Variants in DIAPH1 observed in about 807,000 individuals in gnomAD.
DIAPH1 encodes the protein protein diaphanous homolog 1.
A neutral mutation model predicts 140.7 loss-of-function variants in DIAPH1; 46 were observed. The ratio of observed to expected loss-of-function variants is 0.33; its 90% CI spans 0.26 to 0.42. The LOEUF is 0.42. Ranked by LOEUF, DIAPH1 falls within the 10% of genes least tolerant of loss-of-function variation. The probability of loss-of-function intolerance (pLI) is 1.00; values close to 1 mark genes in which losing one functional copy is unlikely to be tolerated. For missense variants in DIAPH1, 1,310 were observed against 1,558.7 expected (o/e 0.84, Z 2.69); for synonymous variants, 565 against 551.6 (o/e 1.02, Z -0.34).
intron 12 of DIAPH1, among the ~76,000 whole-genome samples, chr5:141,577,234 A>G (rs2099896096): frequency 6.6e-6 from 1 of 152,094 alleles, no homozygotes; most frequent in Non-Finnish European, 1.5e-5. Flanking sequence ...CATCCTATTT[A>G]CCTACTCCCC....
chr5:141,544,029 G>A (rs1185217800), intron 18 of DIAPH1, among the ~76,000 whole-genome samples: 2 of 152,142 alleles, frequency 1.3e-5, no homozygotes, highest in African/African-American at 4.8e-5. Flanking sequence ...AGTATAAATC[G>A]GCCGGGCGCG....
chr5:141,578,567 C>T lies in DIAPH1; in HGVS notation c.992G>A (p.Arg331Gln). 4 of 1,613,944 alleles carry T rather than the reference C, an allele frequency of 2.5e-6. No individual in the cohort carries two copies. The highest frequency in any genetic ancestry group is 3.4e-6 in the Non-Finnish European group (4 of 1,180,018). Reference protein sequence around the residue: ...LITPAEELDFRVHIRSELMRL... With the variant: ...LITPAEELDFQVHIRSELMRL... ...CATCAGTTCACTTCTGATGTGAACT[C>T]GGAAGTCAAGTTCCTCCGCTGGTGT... Residue 331 changes from arginine (R) to glutamine (Q), a missense_variant, in exon 10 of 28, where the codon CGA (arginine) becomes CAA (glutamine). By Grantham distance (43) the Arg-to-Gln change is conservative. Coordinates refer to ENST00000389054, the MANE Select transcript of DIAPH1 (RefSeq NM_005219.5).
intron 20 of DIAPH1, 62 bp downstream of exon 20, chr5:141,529,541 G>C (rs2099887885): frequency 9.8e-6 from 13 of 1,321,556 alleles, no homozygotes; most frequent in Non-Finnish European, 1.4e-5. Context: ...TCTACACAGA[G>C]ATGAGGCCAG....
Position 141,578,317 on chromosome 5 carries a change from A to G in DIAPH1, c.1071T>C (p.Asp357=). 2 of 1,614,030 alleles carry G rather than the reference A, an allele frequency of 1.2e-6. No individual in the cohort carries two copies. Among genetic ancestry groups the G allele is most frequent in the Non-Finnish European group, 1.7e-6 (2 of 1,179,904 alleles). Residue 357 remains aspartate, a synonymous_variant, in exon 11 of 28, where the codon GAT becomes GAC. Transcript: ENST00000389054. ...CAAACACATTTAGTTGCACTCTCAT[A>G]TCTTCATTTTCAATCTCTCGAAGGT... ...LQDLREIENE[D]MRVQLNVFDE... is the part of the protein sequence containing the mutation.
chr5:141,572,597 C>T (rs1044939549), intron 16 of DIAPH1, among the ~76,000 whole-genome samples: 4 of 151,990 alleles, frequency 2.6e-5, no homozygotes, highest in Non-Finnish European at 4.4e-5. Context: ...GTCAGGAGTT[C>T]GAGAGCAGCC....
intron 18 of DIAPH1, chr5:141,560,832 G>A (rs543421142): frequency 4.4e-6 from 2 of 455,916 alleles, no homozygotes; most frequent in Non-Finnish European, 8.8e-6. Flanking sequence ...TAAACTCCCA[G>A]CCCCCAGCCT....
At chr5:141,592,899 G>A (rs969541809) in intron 1 of DIAPH1, among the ~76,000 whole-genome samples, 2 of 152,156 alleles carry the variant, frequency 1.3e-5, no homozygotes, top group African/African-American at 4.8e-5. Flanking sequence ...ATGTCAGACT[G>A]AACCAAAACA....
intron 18 of DIAPH1, chr5:141,558,432 T>C (rs1283418324): frequency 1.3e-5 from 2 of 152,148 alleles, no homozygotes; most frequent in Non-Finnish European, 2.9e-5. Context: ...AAACAGGAAA[T>C]GGAGGAGTGG....
chr5:141,573,781 G>T lies in DIAPH1; in HGVS notation c.2069C>A (p.Pro690Gln). The T allele has an allele frequency of 7.1e-7, 1 of 1,411,458 alleles. No homozygotes were observed. The highest frequency in any genetic ancestry group is 9.5e-7 in the Non-Finnish European group (1 of 1,057,976). The allele number at this position is 1,411,458 out of a possible 1,614,324, so 87.4% of individuals were successfully genotyped here. ...PLPGSARIPP[P>Q]PPPLPGSAGI... The stretch of plus-strand genomic sequence containing the variant: ...AGCACTCCCAGGCAAAGGAGGTGGT[G>T]GTGGGGGGATTCTAGCACTCCCAGG... Residue 690 changes from proline (P) to glutamine (Q), a missense_variant, in exon 16 of 28, where the codon CCA becomes CAA. Transcript: ENST00000389054.
In DIAPH1 at chr5:141,577,980, T is replaced by C. The variant is rs550448584; in HGVS notation, c.1163+245A>G. The C allele has an allele frequency of 2.6e-5, 15 of 584,950 alleles. No individual in the cohort carries two copies. In the East Asian group the frequency reaches 4.5e-4, roughly 17 times the overall value. 36.2% of individuals were successfully genotyped at this position (584,950 alleles called of 1,614,324 possible). On this transcript the variant is annotated intron_variant, in intron 11 of 27. Transcript: ENST00000389054. Reference sequence around the variant, plus strand: ...AGCTAAGCTATCACATTCTAGGAAGTTTACACTGATTTTGATGGCTTCCAT... The same window carrying C: ...AGCTAAGCTATCACATTCTAGGAAGCTTACACTGATTTTGATGGCTTCCAT...
chr5:141,608,816 G>A (rs1053908754), intron 1 of DIAPH1, among the ~76,000 whole-genome samples: 10 of 152,158 alleles, frequency 6.6e-5, no homozygotes, highest in African/African-American at 2.4e-4. Flanking sequence ...TCAAATTTCA[G>A]GAGCACAAAC....
intron 5 of DIAPH1, 53 bp downstream of exon 5, chr5:141,583,432 C>A (rs2099897076): frequency 1.2e-6 from 2 of 1,613,940 alleles, no homozygotes; most frequent in Non-Finnish European, 1.7e-6. Flanking sequence ...CAATCACCAC[C>A]AGTGAAGTCC....
In DIAPH1 at chr5:141,591,695, G is replaced by GATATATATATATAT. The variant is rs56117502; in HGVS notation, c.118-3459_118-3446dup. Among the ~76,000 whole-genome samples, 437 of 86,242 alleles carry GATATATATATATAT rather than the reference G, an allele frequency of 5.1e-3. 21 individuals are homozygous for GATATATATATATAT. The highest frequency in any genetic ancestry group is 8.1e-3 in the African/African-American group (142 of 17,436). 56.6% of individuals were successfully genotyped at this position (86,242 alleles called of 152,430 possible). A position where few individuals can be genotyped will look rare whatever the true frequency, so the allele number is the denominator to read the frequency against. On this transcript the variant is annotated intron_variant, in intron 1 of 27. Transcript: ENST00000389054. ...TGGAAAAGGAAGGAAGGGAGATGGG[G>GATATATATATATAT]ATATATATATATATATATATATATA...
intron 23 of DIAPH1, among the ~76,000 whole-genome samples, chr5:141,527,911 T>C (rs1203047866): frequency 6.6e-6 from 1 of 152,186 alleles, no homozygotes; most frequent in African/African-American, 2.4e-5. Context: ...TATTTGATCA[T>C]TGAACCTCCA....
chr5:141,582,468 C>T, intron 6 of DIAPH1, 93 bp from the exon 7 acceptor site: 2 of 923,524 alleles, frequency 2.2e-6, no homozygotes, highest in Non-Finnish European at 3.6e-6. Flanking sequence ...GAACAACAGC[C>T]CCATCTAGCA....
chr5:141,529,022 G>C (rs1159403497), intron 21 of DIAPH1, 81 bp from the exon 22 acceptor site: 1 of 1,602,950 alleles, frequency 6.2e-7, no homozygotes, highest in Non-Finnish European at 8.5e-7. Flanking sequence ...CCTCCTATGG[G>C]AGGATCACAG....
At chr5:141,585,050 A>G (rs1240269112) in intron 3 of DIAPH1, among the ~76,000 whole-genome samples, 1 of 151,774 alleles carries the variant, frequency 6.6e-6, no homozygotes, top group Non-Finnish European at 1.5e-5. Flanking sequence ...CACCTCCCAG[A>G]TTCAAGTGAT....
At chr5:141,525,548 C>T (rs186186220) in intron 26 of DIAPH1, among the ~76,000 whole-genome samples, 6 of 152,240 alleles carry the variant, frequency 3.9e-5, no homozygotes, top group Admixed American at 3.3e-4. Context: ...CCCACCCGCT[C>T]CAAAAGTTCA....
chr5:141,570,338 T>C (rs915560632), intron 18 of DIAPH1, among the ~76,000 whole-genome samples: 1 of 152,222 alleles, frequency 6.6e-6, no homozygotes, highest in African/African-American at 2.4e-5. Flanking sequence ...TAATACAGTA[T>C]ATGTGGTTAC....
Sources: gnomAD v4.1 joint callset for allele counts (sites outside exome capture counted in the v4.1 genomes callset) on GRCh38, gnomAD v4.1.1 for gene constraint, MANE v1.5 for transcripts, NCBI Gene and HGNC (gene_info 2026-07-23, HGNC 2026-07-21) for gene names.